SPIRE1: variants seen among roughly 807,000 people sequenced by gnomAD.
SPIRE1 encodes the protein protein spire homolog 1.
A neutral mutation model predicts 94.1 loss-of-function variants in SPIRE1; 40 were observed. The ratio of observed to expected loss-of-function variants is 0.43; its 90% CI spans 0.33 to 0.55. The LOEUF (loss-of-function observed/expected upper bound fraction) is 0.55. SPIRE1 is among the 20% of genes least tolerant of loss of function. The pLI, the probability that SPIRE1 is intolerant of heterozygous loss-of-function variation, is 0.06. For missense variants in SPIRE1, 838 were observed against 975.2 expected (o/e 0.86, Z 1.87); for synonymous variants, 376 against 371.7 (o/e 1.01, Z -0.13).
At chr18:12,641,832 CT>C (rs576748359) in intron 1 of SPIRE1, among the ~76,000 whole-genome samples, 19,906 of 124,912 alleles carry the variant, frequency 0.16, 1,101 homozygotes, top group Middle Eastern at 0.23. Context: ...GAATGTTATG[CT>C]TTTTTTTTTT....
chr18:12,641,058 T>C (rs1238217994), intron 1 of SPIRE1, among the ~76,000 whole-genome samples: 4 of 151,960 alleles, frequency 2.6e-5, no homozygotes, highest in East Asian at 1.9e-4. Context: ...ATGGCAGTAA[T>C]GAGGGTGAAA....
At chr18:12,470,806 T>A (rs1568190567) in intron 10 of SPIRE1, among the ~76,000 whole-genome samples, 1 of 152,196 alleles carries the variant, frequency 6.6e-6, no homozygotes, top group East Asian at 1.9e-4. Flanking sequence ...CGAAATCTGC[T>A]TGTGTTTTTT....
chr18:12,590,618 C>CA (rs112011012), intron 2 of SPIRE1, among the ~76,000 whole-genome samples: 14,879 of 152,190 alleles, frequency 0.098, 828 homozygotes, highest in Middle Eastern at 0.17. Context: ...GTCCACCTTA[C>CA]AACCCCTGAG....
chr18:12,499,143 T>C (rs532899294), intron 6 of SPIRE1, among the ~76,000 whole-genome samples: 22 of 152,298 alleles, frequency 1.4e-4, no homozygotes, highest in African/African-American at 5.3e-4. Flanking sequence ...AACCAAGTTA[T>C]AGTTTAGTGA....
intron 2 of SPIRE1, among the ~76,000 whole-genome samples, chr18:12,599,776 T>C (rs1396867822): frequency 6.6e-6 from 1 of 152,156 alleles, no homozygotes; most frequent in Non-Finnish European, 1.5e-5. Context: ...ATACTGGTGA[T>C]GTCAACTTTT....
At chr18:12,622,421 CTTTTTTT>C (rs71371281) in intron 2 of SPIRE1, among the ~76,000 whole-genome samples, 2 of 114,810 alleles carry the variant, frequency 1.7e-5, no homozygotes, top group Non-Finnish European at 3.5e-5. Context: ...TATGTCCAGT[CTTTTTTT>C]TTTTTTTTTT....
chr18:12,646,903 G>T (rs570295405), intron 1 of SPIRE1, among the ~76,000 whole-genome samples: 1 of 152,144 alleles, frequency 6.6e-6, no homozygotes, highest in East Asian at 1.9e-4. Flanking sequence ...AATTAGCCAG[G>T]CGTGGTGGTG....
intron 1 of SPIRE1, among the ~76,000 whole-genome samples, chr18:12,646,905 G>A (rs111803918): frequency 5.3e-5 from 8 of 152,152 alleles, no homozygotes; most frequent in South Asian, 2.1e-4. Flanking sequence ...TTAGCCAGGC[G>A]TGGTGGTGCA....
At position 12,449,507 on chromosome 18, in the gene SPIRE1, G is replaced by A. The variant is rs562880271; in HGVS notation, c.*131C>T. ...CATTCAGTCTGTGGAACAATGTGAT[G>A]CGGCAAAAATCTGATCTAATGCAAA... On this transcript the variant is annotated 3_prime_UTR_variant, in exon 17 of 17. Coordinates refer to ENST00000409402, the MANE Select transcript of SPIRE1 (RefSeq NM_001128626.2). 11 of 937,924 alleles carry A rather than the reference G, an allele frequency of 1.2e-5. No homozygotes were observed. The South Asian group carries it at 1.6e-4, about 13-fold the overall frequency. The allele number at this position is 937,924 out of a possible 1,614,324, so 58.1% of individuals were successfully genotyped here.
chr18:12,537,126 C>T (rs1009192940), intron 3 of SPIRE1, among the ~76,000 whole-genome samples: 3 of 151,976 alleles, frequency 2.0e-5, no homozygotes, highest in Non-Finnish European at 2.9e-5. Context: ...TTCACAGTAG[C>T]AAAAAAAGCT....
At chr18:12,626,886 A>ATATATATATATATATATTTTT (rs55915333) in intron 2 of SPIRE1, among the ~76,000 whole-genome samples, 1 of 111,892 alleles carries the variant, frequency 8.9e-6, no homozygotes, top group African/African-American at 3.0e-5. Context: ...ATATATATAT[A>ATATATATATATATATATTTTT]TTTTTTTTTT....
intron 2 of SPIRE1, among the ~76,000 whole-genome samples, chr18:12,581,605 C>T (rs1224385772): frequency 1.3e-5 from 2 of 152,072 alleles, no homozygotes; most frequent in African/African-American, 2.4e-5. Flanking sequence ...GGCTCATGCC[C>T]GTAATCCCGG....
At chr18:12,456,925 C>A (rs2031533715) in intron 12 of SPIRE1, among the ~76,000 whole-genome samples, 3 of 152,222 alleles carry the variant, frequency 2.0e-5, no homozygotes, top group African/African-American at 7.2e-5. Context: ...GCAACATCTG[C>A]CTCCCGGGTT....
At chr18:12,571,205 G>T (rs2035952209) in intron 2 of SPIRE1, among the ~76,000 whole-genome samples, 1 of 152,054 alleles carries the variant, frequency 6.6e-6, no homozygotes, top group African/African-American at 2.4e-5. Context: ...CTCCCGAGTA[G>T]CTGGGATTAC....
chr18:12,648,488 T>C (rs534996335), intron 1 of SPIRE1, among the ~76,000 whole-genome samples: 1 of 152,078 alleles, frequency 6.6e-6, no homozygotes, highest in East Asian at 1.9e-4. Flanking sequence ...TGACCAGTAC[T>C]TGCCAAGACT....
chr18:12,455,488 G>T (rs2031466568), intron 12 of SPIRE1, among the ~76,000 whole-genome samples: 1 of 152,144 alleles, frequency 6.6e-6, no homozygotes, highest in South Asian at 2.1e-4. Context: ...AGTCAGCAAT[G>T]GAAAGACTAG....
chr18:12,604,227 C>T (rs986299091), intron 2 of SPIRE1, among the ~76,000 whole-genome samples: 3 of 152,076 alleles, frequency 2.0e-5, no homozygotes, highest in African/African-American at 4.8e-5. Context: ...CTATTACTTG[C>T]GATTGGTGCT....
At chr18:12,555,295 A>C (rs2035471084) in intron 2 of SPIRE1, among the ~76,000 whole-genome samples, 2 of 148,694 alleles carry the variant, frequency 1.3e-5, no homozygotes, top group Non-Finnish European at 3.0e-5. Flanking sequence ...AGAACCAGAC[A>C]AAGACTTATC....
At chr18:12,551,312 A>G (rs2035341700) in intron 2 of SPIRE1, among the ~76,000 whole-genome samples, 1 of 152,330 alleles carries the variant, frequency 6.6e-6, no homozygotes, top group East Asian at 1.9e-4. Context: ...TTGTTTTATA[A>G]CAGTAATACA....
Sources: allele counts gnomAD v4.1 joint callset (sites outside exome capture counted in the v4.1 genomes callset), GRCh38; gene constraint gnomAD v4.1.1; transcripts MANE v1.5; gene names NCBI Gene and HGNC (gene_info 2026-07-23, HGNC 2026-07-21).